The following RANBP2 variants were observed in gnomAD, a reference collection of about 807,000 sequenced individuals.
RANBP2 encodes the protein E3 SUMO-protein ligase RanBP2.
RANBP2 carries 57 observed loss-of-function variants against 303.6 expected under a neutral mutation model. The observed-to-expected ratio is 0.19, with a 90% CI of 0.15 to 0.23. The LOEUF is 0.23. Ranked by LOEUF, RANBP2 falls within the 10% of genes least tolerant of loss-of-function variation. The probability of loss-of-function intolerance (pLI) is 1.00; values close to 1 mark genes in which losing one functional copy is unlikely to be tolerated. For synonymous variants in RANBP2, 1,167 were observed against 1,301.5 expected, an observed-to-expected ratio of 0.90 and a Z score of 2.23; for missense variants, 3,138 against 3,780.8, an observed-to-expected ratio of 0.83 and a Z score of 4.46.
the RANBP2 span, chr2:108,791,546 A>G: frequency 9.2e-7 from 1 of 1,089,568 alleles, no homozygotes; most frequent in African/African-American, 1.6e-5. Flanking sequence ...ACATGTTTAC[A>G]TTTTGCAGTT....
chr2:109,029,567 C>T, the RANBP2 span, among the ~76,000 whole-genome samples: 1 of 152,196 alleles, frequency 6.6e-6, no homozygotes, highest in South Asian at 2.1e-4. Flanking sequence ...GGAGATTCTG[C>T]AGCATGTGTG....
chr2:109,516,002 A>G, the RANBP2 span, among the ~76,000 whole-genome samples: 3 of 152,136 alleles, frequency 2.0e-5, no homozygotes, highest in Non-Finnish European at 2.9e-5. Flanking sequence ...ACATCCAAAC[A>G]ATATCAGCAG....
chr2:109,374,880 G>T, the RANBP2 span, among the ~76,000 whole-genome samples: 4 of 152,308 alleles, frequency 2.6e-5, no homozygotes, highest in Non-Finnish European at 4.4e-5. Context: ...ATGATGCTAA[G>T]CCCACGGTGG....
At chr2:109,527,228 C>T in the RANBP2 span, among the ~76,000 whole-genome samples, 10 of 152,356 alleles carry the variant, frequency 6.6e-5, no homozygotes, top group African/African-American at 2.2e-4. Context: ...AGCTGCCGCA[C>T]GCCTTCACTG....
At chr2:109,129,519 G>A in the RANBP2 span, 34 of 1,496,384 alleles carry the variant, frequency 2.3e-5, no homozygotes, top group East Asian at 8.3e-4. Context: ...AGCCGCGCGA[G>A]ACCGCTGCGG....
chr2:109,091,771 G>A, the RANBP2 span, among the ~76,000 whole-genome samples: 1 of 152,274 alleles, frequency 6.6e-6, no homozygotes, highest in South Asian at 2.1e-4. Flanking sequence ...AATGTGCATG[G>A]ATTTAATTGC....
At chr2:109,332,851 A>G in the RANBP2 span, among the ~76,000 whole-genome samples, 1 of 152,356 alleles carries the variant, frequency 6.6e-6, no homozygotes, top group Non-Finnish European at 1.5e-5. Flanking sequence ...TGTCCTCACA[A>G]AAGTGTTGAA....
the RANBP2 span, among the ~76,000 whole-genome samples, chr2:109,428,743 G>A: frequency 1.3e-5 from 2 of 152,228 alleles, no homozygotes; most frequent in Non-Finnish European, 2.9e-5. Flanking sequence ...TGATGTCTGA[G>A]CATGCAGGGT....
the RANBP2 span, chr2:109,564,370 C>G: frequency 6.4e-7 from 1 of 1,553,566 alleles, no homozygotes; most frequent in Non-Finnish European, 8.7e-7. Context: ...CCCTACCTGA[C>G]TGGCTTGTTT....
At chr2:108,836,092 G>A in the RANBP2 span, among the ~76,000 whole-genome samples, 2 of 152,074 alleles carry the variant, frequency 1.3e-5, no homozygotes, top group African/African-American at 2.4e-5. Context: ...GATGTTTTGG[G>A]CATTAAGTTT....
the RANBP2 span, among the ~76,000 whole-genome samples, chr2:108,917,217 G>A: frequency 2.0e-5 from 3 of 152,194 alleles, no homozygotes; most frequent in Non-Finnish European, 2.9e-5. Flanking sequence ...AAAGCAACGC[G>A]CGGCTCGTGT....
At chr2:109,313,250 A>G in the RANBP2 span, among the ~76,000 whole-genome samples, 1 of 152,212 alleles carries the variant, frequency 6.6e-6, no homozygotes, top group Non-Finnish European at 1.5e-5. Context: ...CAGGATCCCT[A>G]TTCCTCTTCA....
In RANBP2 at chr2:108,765,946, G is replaced by T. The variant is rs1376126341; in HGVS notation, c.5407G>T (p.Ala1803Ser). The T allele has an allele frequency of 3.1e-6, 5 of 1,614,034 alleles. No homozygotes were observed. The African/African-American group carries it at 4.0e-5, about 13-fold the overall frequency. ...QNESSSLKCV[A>S]CDASKPTHKP... ...TGAGAGTTCTTCCTTAAAATGTGTG[G>T]CTTGTGATGCCTCTAAACCAACTCA... The change falls in exon 20 of 29, where the codon GCT (alanine) becomes TCT (serine). Residue 1803 changes from alanine (A) to serine (S), a missense_variant. This residue lies in a region of RANBP2 where 348 missense variants were observed against 360.4 expected (regional missense o/e 0.97). Transcript: ENST00000283195.
At chr2:109,195,934 G>A in the RANBP2 span, among the ~76,000 whole-genome samples, 10 of 152,132 alleles carry the variant, frequency 6.6e-5, no homozygotes, top group African/African-American at 9.7e-5. Context: ...TGAGCACCTC[G>A]CCCTGCAGCG....
chr2:109,496,946 C>T, the RANBP2 span, among the ~76,000 whole-genome samples: 1 of 152,104 alleles, frequency 6.6e-6, no homozygotes, highest in South Asian at 2.1e-4. Flanking sequence ...GAGCACTCCC[C>T]TTTGAAGATG....
chr2:109,680,792 G>A, the RANBP2 span, among the ~76,000 whole-genome samples: 344 of 152,280 alleles, frequency 2.3e-3, 9 homozygotes, highest in East Asian at 0.06. Flanking sequence ...TAGAGAAGTA[G>A]GACTGTGCAC....
chr2:109,208,373 C>T, the RANBP2 span, among the ~76,000 whole-genome samples: 4 of 152,358 alleles, frequency 2.6e-5, no homozygotes, highest in African/African-American at 4.8e-5. Flanking sequence ...TTCCCATGCT[C>T]GGTCTTCAGG....
the RANBP2 span, among the ~76,000 whole-genome samples, chr2:109,623,942 C>G: frequency 6.6e-6 from 1 of 152,142 alleles, no homozygotes; most frequent in East Asian, 1.9e-4. Context: ...TTTGGCAAAA[C>G]ACAGGGGTCT....
chr2:108,893,282 AGAT>A, the RANBP2 span, among the ~76,000 whole-genome samples: 1 of 152,198 alleles, frequency 6.6e-6, no homozygotes, highest in African/African-American at 2.4e-5. Flanking sequence ...CTGCATTTTG[AGAT>A]GATGATAGCA....
Sources: gnomAD v4.1 joint callset for allele counts (sites outside exome capture counted in the v4.1 genomes callset) on GRCh38, gnomAD v4.1.1 for gene constraint, gnomAD v4.1.1 regional missense constraint, MANE v1.5 for transcripts, NCBI Gene and HGNC (gene_info 2026-07-23, HGNC 2026-07-21) for gene names.